The following IGF2BP2 variants were observed in gnomAD, a reference collection of about 807,000 sequenced individuals.
The protein encoded by IGF2BP2 is insulin-like growth factor 2 mRNA-binding protein 2.
Under a neutral mutation model 75.8 loss-of-function variants are expected in IGF2BP2, and 17 were observed. That is an observed-to-expected ratio of 0.22 (90% CI 0.15 to 0.34). IGF2BP2 has a LOEUF of 0.34. Among genes scored for constraint, IGF2BP2 ranks in the 10% least tolerant of loss-of-function variants. The probability of loss-of-function intolerance (pLI) is 1.00; values close to 1 mark genes in which losing one functional copy is unlikely to be tolerated. For synonymous variants in IGF2BP2, 288 were observed against 295.6 expected, an observed-to-expected ratio of 0.97 and a Z score of 0.26; for missense variants, 516 against 772.4, an observed-to-expected ratio of 0.67 and a Z score of 3.93.
At chr3:185,678,941 C>A (rs2149262213) in intron 7 of IGF2BP2, among the ~76,000 whole-genome samples, 1 of 152,268 alleles carries the variant, frequency 6.6e-6, no homozygotes, top group African/African-American at 2.4e-5. Context: ...TATAGCTACT[C>A]CTCCTCTCTT....
intron 7 of IGF2BP2, among the ~76,000 whole-genome samples, chr3:185,678,030 G>A (rs1719818236): frequency 6.6e-6 from 1 of 152,200 alleles, no homozygotes; most frequent in African/African-American, 2.4e-5. Flanking sequence ...AAGGGGCATA[G>A]AGCTTTATTT....
intron 2 of IGF2BP2, among the ~76,000 whole-genome samples, chr3:185,711,564 G>A (rs1018300521): frequency 5.3e-5 from 8 of 152,152 alleles, no homozygotes; most frequent in South Asian, 2.1e-4. Flanking sequence ...ACCATTAGCT[G>A]AGCAGGCTCC....
intron 2 of IGF2BP2, among the ~76,000 whole-genome samples, chr3:185,797,833 G>A (rs1214992518): frequency 3.3e-5 from 5 of 149,802 alleles, no homozygotes; most frequent in Non-Finnish European, 7.4e-5. Flanking sequence ...TGAGCCTGGC[G>A]AGGTCAAGGC....
chr3:185,718,599 C>T (rs569473740), intron 2 of IGF2BP2, among the ~76,000 whole-genome samples: 60 of 146,976 alleles, frequency 4.1e-4, no homozygotes, highest in African/African-American at 1.4e-3. Context: ...GCAGGAGAAT[C>T]GCTTGAACCC....
chr3:185,816,589 C>T (rs1273640361), intron 2 of IGF2BP2, among the ~76,000 whole-genome samples: 1 of 152,158 alleles, frequency 6.6e-6, no homozygotes, highest in Non-Finnish European at 1.5e-5. Context: ...TCAGGGACCT[C>T]AAAAGACCTG....
chr3:185,779,390 T>C (rs192416197), intron 2 of IGF2BP2, among the ~76,000 whole-genome samples: 1 of 152,182 alleles, frequency 6.6e-6, no homozygotes, highest in East Asian at 1.9e-4. Flanking sequence ...CATCAACATT[T>C]TGCCATAAAT....
intron 2 of IGF2BP2, among the ~76,000 whole-genome samples, chr3:185,779,080 CTT>C (rs59796150): frequency 5.0e-5 from 7 of 140,148 alleles, no homozygotes; most frequent in Non-Finnish European, 6.3e-5. Flanking sequence ...TGGAACAAAG[CTT>C]TTTTTTTTTT....
At chr3:185,798,189 T>G (rs1447379672) in intron 2 of IGF2BP2, among the ~76,000 whole-genome samples, 3 of 151,990 alleles carry the variant, frequency 2.0e-5, no homozygotes, top group African/African-American at 7.2e-5. Context: ...AGAGCAAGAC[T>G]CTGCCTCAAG....
At chr3:185,823,829 G>A (rs1228255775) in intron 1 of IGF2BP2, among the ~76,000 whole-genome samples, 1 of 151,866 alleles carries the variant, frequency 6.6e-6, no homozygotes, top group Non-Finnish European at 1.5e-5. Context: ...TGGGAGCGGA[G>A]CGTGTGCTGG....
Position 185,645,158 on chromosome 3 carries a change from A to G in IGF2BP2, c.*373T>C, listed in dbSNP as rs1220042536. The G allele has an allele frequency of 4.1e-6, 1 of 245,448 alleles. No individual in the cohort carries two copies. The highest frequency in any genetic ancestry group is 8.3e-5 in the East Asian group (1 of 12,110). The allele number at this position is 245,448 out of a possible 1,614,324, so 15.2% of individuals were successfully genotyped here. ...CACACATGTACAGAGACGATTTGCC[A>G]CAGAAAAAGGGTGTGCATTTTGCTT... On this transcript the variant is annotated 3_prime_UTR_variant, in exon 16 of 16. Coordinates refer to ENST00000382199, the MANE Select transcript of IGF2BP2 (RefSeq NM_006548.6). This position sits in a 1 kb window ranked among gnomAD's most constrained non-coding sequence, Gnocchi z 4.9.
intron 2 of IGF2BP2, among the ~76,000 whole-genome samples, chr3:185,819,142 T>C (rs1247130895): frequency 1.3e-5 from 2 of 152,066 alleles, no homozygotes; most frequent in Non-Finnish European, 1.5e-5. Flanking sequence ...AAAAACAAAA[T>C]GCTTAGAACA....
At chr3:185,723,950 G>A (rs1158319757) in intron 2 of IGF2BP2, among the ~76,000 whole-genome samples, 1 of 152,194 alleles carries the variant, frequency 6.6e-6, no homozygotes, top group Non-Finnish European at 1.5e-5. Context: ...GGGTAAGCAG[G>A]TTCGGTCTGG....
In IGF2BP2 at chr3:185,643,251, C is replaced by T. The variant is rs997685929; in HGVS notation, c.*2280G>A. Among the ~76,000 whole-genome samples, 4 of 152,160 alleles carry T rather than the reference C, an allele frequency of 2.6e-5. No individual in the cohort carries two copies. The highest frequency in any genetic ancestry group is 9.7e-5 in the African/African-American group (4 of 41,442). On this transcript the variant is annotated 3_prime_UTR_variant, in exon 16 of 16. Transcript: ENST00000382199. ...GAGCTTCCCGTGGAGGCGTGAAGTG[C>T]CTCTTCCCGGAACTGCCGGGCATAT...
At chr3:185,674,419 T>C (rs1457707695) in intron 9 of IGF2BP2, among the ~76,000 whole-genome samples, 1 of 152,198 alleles carries the variant, frequency 6.6e-6, no homozygotes, top group Non-Finnish European at 1.5e-5. Flanking sequence ...GAGCTGGACT[T>C]TTGCTGATGG....
chr3:185,785,609 T>C (rs918239978), intron 2 of IGF2BP2, among the ~76,000 whole-genome samples: 1 of 151,626 alleles, frequency 6.6e-6, no homozygotes, highest in Non-Finnish European at 1.5e-5. Context: ...ACTTGAGGCC[T>C]GGAGTTTGAG....
At chr3:185,716,476 G>C (rs555097481) in intron 2 of IGF2BP2, 1 of 519,840 alleles carries the variant, frequency 1.9e-6, no homozygotes, top group Non-Finnish European at 3.8e-6. Flanking sequence ...CTCTTCTTAT[G>C]TCTCTGCTAA....
chr3:185,743,399 C>A (rs1316859039), intron 2 of IGF2BP2, among the ~76,000 whole-genome samples: 1 of 152,142 alleles, frequency 6.6e-6, no homozygotes, highest in Admixed American at 6.5e-5. Flanking sequence ...TTTCAGCCTC[C>A]AGACCAGCTG....
intron 2 of IGF2BP2, among the ~76,000 whole-genome samples, chr3:185,733,080 A>G (rs1728406454): frequency 6.6e-6 from 1 of 152,188 alleles, no homozygotes; most frequent in Admixed American, 6.5e-5. Context: ...GGGAGGATAC[A>G]ATAAAGCTGA....
chr3:185,727,592 G>A (rs1727535292), intron 2 of IGF2BP2, among the ~76,000 whole-genome samples: 1 of 152,206 alleles, frequency 6.6e-6, no homozygotes, highest in South Asian at 2.1e-4. Context: ...AATCCCTGGA[G>A]AAGCAGTAGC....
Sources: gnomAD v4.1 joint callset for allele counts (sites outside exome capture counted in the v4.1 genomes callset) on GRCh38, gnomAD v4.1.1 for gene constraint, Gnocchi (gnomAD v3.1) non-coding constraint, MANE v1.5 for transcripts, NCBI Gene and HGNC (gene_info 2026-07-23, HGNC 2026-07-21) for gene names.